DNM3: variants seen among roughly 807,000 people sequenced by gnomAD.
DNM3 encodes dynamin-3.
Under a neutral mutation model 101.6 loss-of-function variants are expected in DNM3, and 47 were observed. The ratio of observed to expected loss-of-function variants is 0.46; its 90% CI spans 0.37 to 0.59. DNM3 has a LOEUF of 0.59. Ranked by LOEUF, DNM3 falls within the 20% of genes least tolerant of loss-of-function variation. The pLI is 0.00. For synonymous variants in DNM3, 385 were observed against 387.9 expected (o/e 0.99, Z 0.09); for missense variants, 849 against 1,085.7 (o/e 0.78, Z 3.06).
At chr1:172,043,542 C>T (rs2049548773) in intron 8 of DNM3, among the ~76,000 whole-genome samples, 1 of 152,134 alleles carries the variant, frequency 6.6e-6, no homozygotes, top group Non-Finnish European at 1.5e-5. Flanking sequence ...ACATGAATCC[C>T]AGCTCAAGTG....
At position 171,974,297 on chromosome 1, in the gene DNM3, C is replaced by G. The variant is rs577069080; in HGVS notation, c.236-13359C>G. Among the ~76,000 whole-genome samples, 77 of 152,090 alleles carry G rather than the reference C, an allele frequency of 5.1e-4. 1 individual carries two copies. Among genetic ancestry groups the G allele is most frequent in the Non-Finnish European group, 1.0e-3 (71 of 68,018 alleles). On this transcript the variant is annotated intron_variant, in intron 2 of 20. Transcript: ENST00000627582. The stretch of plus-strand genomic sequence containing the variant: ...TGATCTATATTATTCATATTAAGGA[C>G]CCTCTAAAATGAGTGCACTTGCTTT...
chr1:171,961,730 A>T (rs2043223342), intron 2 of DNM3, among the ~76,000 whole-genome samples: 1 of 152,184 alleles, frequency 6.6e-6, no homozygotes, highest in African/African-American at 2.4e-5. Context: ...TGGATAAACA[A>T]GGTATGATAC....
chr1:172,069,246 C>A (rs1169675327), intron 11 of DNM3, among the ~76,000 whole-genome samples: 1 of 152,118 alleles, frequency 6.6e-6, no homozygotes, highest in Non-Finnish European at 1.5e-5. Context: ...CACATTTTCT[C>A]TTTAAGACAG....
chr1:172,335,107 A>T (rs1254417508), intron 17 of DNM3, among the ~76,000 whole-genome samples: 1 of 152,026 alleles, frequency 6.6e-6, no homozygotes, highest in Non-Finnish European at 1.5e-5. Flanking sequence ...CAATAACTTG[A>T]CTCATGGATT....
At chr1:172,290,638 G>A (rs1242805385) in intron 15 of DNM3, among the ~76,000 whole-genome samples, 2 of 152,116 alleles carry the variant, frequency 1.3e-5, no homozygotes, top group Non-Finnish European at 2.9e-5. Context: ...TGTGGCGAGT[G>A]GAGCAAGAAA....
intron 1 of DNM3, among the ~76,000 whole-genome samples, chr1:171,899,014 A>T (rs894148445): frequency 6.6e-6 from 1 of 152,102 alleles, no homozygotes; most frequent in South Asian, 2.1e-4. Flanking sequence ...GGATGTTGGG[A>T]GCTATTGCTC....
At chr1:172,163,295 G>A (rs1212164749) in intron 14 of DNM3, among the ~76,000 whole-genome samples, 6 of 149,020 alleles carry the variant, frequency 4.0e-5, no homozygotes, top group Non-Finnish European at 8.9e-5. Context: ...CTGGAGTGCA[G>A]TGGTGTGATC....
At chr1:171,880,401 A>G (rs2036162513) in intron 1 of DNM3, among the ~76,000 whole-genome samples, 1 of 152,240 alleles carries the variant, frequency 6.6e-6, no homozygotes, top group Non-Finnish European at 1.5e-5. Context: ...TCTTCTGTTT[A>G]GAACTTAGCC....
At chr1:172,285,781 A>G (rs1203800932) in intron 15 of DNM3, among the ~76,000 whole-genome samples, 1 of 151,758 alleles carries the variant, frequency 6.6e-6, no homozygotes, top group Non-Finnish European at 1.5e-5. Flanking sequence ...TGATCCTACC[A>G]CTCTCATTCT....
intron 20 of DNM3, among the ~76,000 whole-genome samples, chr1:172,404,026 T>C (rs1469275223): frequency 3.3e-5 from 5 of 152,126 alleles, no homozygotes; most frequent in African/African-American, 7.2e-5. Flanking sequence ...TCACCCTAAA[T>C]TGCTTTCTAG....
At chr1:172,330,767 A>T (rs931307647) in intron 17 of DNM3, among the ~76,000 whole-genome samples, 1 of 152,192 alleles carries the variant, frequency 6.6e-6, no homozygotes, top group African/African-American at 2.4e-5. Context: ...GTGAAAACAG[A>T]ATATCTAGGA....
intron 16 of DNM3, among the ~76,000 whole-genome samples, chr1:172,316,325 A>G (rs1048984841): frequency 9.2e-5 from 14 of 152,156 alleles, no homozygotes; most frequent in African/African-American, 3.4e-4. Flanking sequence ...AAGGAACTGC[A>G]TGAACTACTG....
intron 14 of DNM3, among the ~76,000 whole-genome samples, chr1:172,224,479 A>G (rs2061028231): frequency 6.6e-6 from 1 of 152,132 alleles, no homozygotes; most frequent in African/African-American, 2.4e-5. Flanking sequence ...AAGAGGATTA[A>G]GCTGAAATTA....
At chr1:171,987,261 C>T (rs1189256796) in intron 2 of DNM3, 13 of 979,472 alleles carry the variant, frequency 1.3e-5, no homozygotes, top group Non-Finnish European at 1.6e-5. Context: ...GCATTCCATC[C>T]TGATGAAATG....
chr1:171,851,854 A>G (rs2033015210), intron 1 of DNM3, among the ~76,000 whole-genome samples: 1 of 152,252 alleles, frequency 6.6e-6, no homozygotes, highest in African/African-American at 2.4e-5. Context: ...AAAGTTTTGT[A>G]TTAGTTGCAT....
At chr1:172,082,219 G>T (rs1288635584) in intron 12 of DNM3, among the ~76,000 whole-genome samples, 1 of 151,878 alleles carries the variant, frequency 6.6e-6, no homozygotes, top group Non-Finnish European at 1.5e-5. Context: ...ATTAATGCAT[G>T]TTTAAAATTT....
chr1:171,955,995 T>C (rs1402170721), intron 2 of DNM3, among the ~76,000 whole-genome samples: 1 of 152,142 alleles, frequency 6.6e-6, no homozygotes, highest in Non-Finnish European at 1.5e-5. Flanking sequence ...TCCGCCCCCA[T>C]AATTCAATTA....
At chr1:171,928,945 G>A (rs576228682) in intron 2 of DNM3, among the ~76,000 whole-genome samples, 1 of 152,350 alleles carries the variant, frequency 6.6e-6, no homozygotes, top group South Asian at 2.1e-4. Context: ...AGCCATGATG[G>A]CGGCCTGCCC....
chr1:172,290,775 A>G (rs1030267537), intron 15 of DNM3, among the ~76,000 whole-genome samples: 1 of 152,100 alleles, frequency 6.6e-6, no homozygotes, highest in Non-Finnish European at 1.5e-5. Context: ...ATGAAAGGCC[A>G]CCATACTGGG....
Sources: gnomAD v4.1 joint callset for allele counts (sites outside exome capture counted in the v4.1 genomes callset) on GRCh38, gnomAD v4.1.1 for gene constraint, MANE v1.5 for transcripts, NCBI Gene and HGNC (gene_info 2026-07-23, HGNC 2026-07-21) for gene names.